Variants in AAMDC observed in about 807,000 individuals in gnomAD.
The protein encoded by AAMDC is mth938 domain-containing protein.
AAMDC carries 16 observed loss-of-function variants against 15.5 expected under a neutral mutation model. The observed-to-expected ratio is 1.03, with a 90% CI of 0.70 to 1.57. AAMDC has a LOEUF of 1.57. Among genes scored for constraint, AAMDC ranks in the 40% most tolerant of loss-of-function variants. AAMDC has a pLI of 0.00. For missense variants in AAMDC, 141 were observed against 144.9 expected (o/e 0.97, Z 0.14); for synonymous variants, 51 against 51.6 (o/e 0.99, Z 0.05).
intron 5 of AAMDC, among the ~76,000 whole-genome samples, chr11:77,887,924 G>C (rs912439514): frequency 6.6e-6 from 1 of 152,096 alleles, no homozygotes; most frequent in African/African-American, 2.4e-5. Context: ...AAATAAAAGA[G>C]GATACAAACA....
intron 2 of AAMDC, among the ~76,000 whole-genome samples, chr11:77,863,914 AAAT>A (rs1009769238): frequency 2.0e-5 from 3 of 152,104 alleles, no homozygotes; most frequent in Admixed American, 1.3e-4. Flanking sequence ...CAAATAGTTT[AAAT>A]CCTTCAAGAT....
intron 5 of AAMDC, among the ~76,000 whole-genome samples, chr11:77,899,362 G>A (rs1404788411): frequency 1.3e-5 from 2 of 151,886 alleles, no homozygotes; most frequent in Non-Finnish European, 2.9e-5. Context: ...AAAGAAAAAA[G>A]CAGGAATGCA....
chr11:77,839,871 G>T (rs1289947358), intron 1 of AAMDC, among the ~76,000 whole-genome samples: 2 of 152,106 alleles, frequency 1.3e-5, no homozygotes, highest in East Asian at 3.9e-4. Flanking sequence ...TCCATGTGGG[G>T]CTTAATACCT....
At chr11:77,846,724 T>A (rs1950164251) in intron 2 of AAMDC, among the ~76,000 whole-genome samples, 1 of 152,168 alleles carries the variant, frequency 6.6e-6, no homozygotes, top group Non-Finnish European at 1.5e-5. Context: ...GAAATTAGTA[T>A]CCTTTAGAAG....
At chr11:77,848,662 C>T (rs1950244791) in intron 2 of AAMDC, among the ~76,000 whole-genome samples, 1 of 152,096 alleles carries the variant, frequency 6.6e-6, no homozygotes, top group South Asian at 2.1e-4. Flanking sequence ...GCCTGGCCAA[C>T]CTCATTCTTT....
chr11:77,896,471 G>A (rs1952523267), intron 5 of AAMDC, among the ~76,000 whole-genome samples: 1 of 152,094 alleles, frequency 6.6e-6, no homozygotes. Context: ...GACCAAACAT[G>A]GAGAAACCCT....
At chr11:77,821,464 C>T (rs1207136537) in intron 1 of AAMDC, among the ~76,000 whole-genome samples, 1 of 151,902 alleles carries the variant, frequency 6.6e-6, no homozygotes, top group Non-Finnish European at 1.5e-5. Flanking sequence ...TGCTGGGGTA[C>T]AGGAATCGCA....
chr11:77,838,484 A>G (rs868401173), intron 1 of AAMDC, among the ~76,000 whole-genome samples: 1 of 152,176 alleles, frequency 6.6e-6, no homozygotes, highest in African/African-American at 2.4e-5. Context: ...TGAGCAGCTT[A>G]CCAGTATTAT....
downstream of AAMDC, among the ~76,000 whole-genome samples, chr11:77,904,751 C>T (rs548166747): frequency 7.2e-5 from 11 of 152,284 alleles, no homozygotes; most frequent in South Asian, 2.1e-3. Flanking sequence ...AATCCCAAAA[C>T]ATACAATCCC....
intron 3 of AAMDC, among the ~76,000 whole-genome samples, chr11:77,871,822 G>C (rs1229368768): frequency 1.3e-5 from 2 of 152,128 alleles, no homozygotes; most frequent in South Asian, 2.1e-4. Flanking sequence ...ACCAACCCTA[G>C]GTGTTAATGT....
downstream of AAMDC, among the ~76,000 whole-genome samples, chr11:77,903,367 T>C (rs574126703): frequency 1.3e-4 from 19 of 147,202 alleles, no homozygotes; most frequent in South Asian, 2.2e-4. Flanking sequence ...TTACCTGTGT[T>C]GCTGCTGCTG....
chr11:77,842,652 T>C, intron 2 of AAMDC, 24 bp downstream of exon 2: 1 of 1,612,486 alleles, frequency 6.2e-7, no homozygotes, highest in Non-Finnish European at 8.5e-7. Flanking sequence ...CTTTGGTTGA[T>C]ACTACATGAG....
At chr11:77,848,105 A>G (rs1360423413) in intron 2 of AAMDC, among the ~76,000 whole-genome samples, 1 of 152,222 alleles carries the variant, frequency 6.6e-6, no homozygotes, top group Non-Finnish European at 1.5e-5. Flanking sequence ...CTCACAGACA[A>G]ACCCAGAAAT....
downstream of AAMDC, among the ~76,000 whole-genome samples, chr11:77,876,785 A>C (rs58682003): frequency 8.3e-3 from 1,262 of 152,322 alleles, 15 homozygotes; most frequent in African/African-American, 0.027. Flanking sequence ...ACATTATCTC[A>C]AAGCCTCTGT....
chr11:77,831,142 C>T (rs186508561), intron 1 of AAMDC, among the ~76,000 whole-genome samples: 1 of 152,076 alleles, frequency 6.6e-6, no homozygotes, highest in African/African-American at 2.4e-5. Context: ...AAGACCCTGT[C>T]TCAGAAAAAA....
At chr11:77,878,584 A>G (rs1353545819) in intron 5 of AAMDC, 3 of 552,914 alleles carry the variant, frequency 5.4e-6, no homozygotes, top group African/African-American at 1.9e-5. Context: ...AAATAAGACT[A>G]TAGCTCAAAT....
At chr11:77,898,872 T>C (rs1952647915) in intron 5 of AAMDC, among the ~76,000 whole-genome samples, 1 of 151,912 alleles carries the variant, frequency 6.6e-6, no homozygotes, top group African/African-American at 2.4e-5. Flanking sequence ...ATAAAAAAAT[T>C]AGCTGAGTGT....
chr11:77,876,478 C>G (rs190765573), downstream of AAMDC, among the ~76,000 whole-genome samples: 3 of 150,940 alleles, frequency 2.0e-5, no homozygotes, highest in African/African-American at 7.3e-5. Flanking sequence ...TTCCCCAGAA[C>G]GTGAAAATTC....
intron 5 of AAMDC, among the ~76,000 whole-genome samples, chr11:77,898,857 T>C (rs752869105): frequency 2.1e-4 from 32 of 151,878 alleles, no homozygotes; most frequent in Admixed American, 5.3e-4. Context: ...CCATCTCTCC[T>C]AAAAATAAAA....
Sources: allele counts gnomAD v4.1 joint callset (sites outside exome capture counted in the v4.1 genomes callset), GRCh38; gene constraint gnomAD v4.1.1; transcripts MANE v1.5; gene names NCBI Gene and HGNC (gene_info 2026-07-23, HGNC 2026-07-21).